The following URB1 variants were observed in gnomAD, a reference collection of about 807,000 sequenced individuals.
The protein encoded by URB1 is URB1 ribosome biogenesis factor.
Under a neutral mutation model 242.3 loss-of-function variants are expected in URB1, and 197 were observed. That is an observed-to-expected ratio of 0.81 (90% CI 0.72 to 0.91). The LOEUF is 0.91. URB1 is among the 40% of genes least tolerant of loss of function. The probability of loss-of-function intolerance (pLI) is 0.00; values close to 1 mark genes in which losing one functional copy is unlikely to be tolerated. For missense variants in URB1, 2,721 were observed against 2,860.5 expected (o/e 0.95, Z 1.11); for synonymous variants, 1,153 against 1,201.8 (o/e 0.96, Z 0.84).
intron 6 of URB1, 25 bp downstream of exon 6, chr21:32,375,373 G>A (rs1482567712): frequency 7.0e-7 from 1 of 1,422,046 alleles, no homozygotes. Context: ...ACAGACAACA[G>A]AAACGCGGAT....
At chr21:32,379,746 T>C (rs544596455) in intron 4 of URB1, among the ~76,000 whole-genome samples, 56 of 152,260 alleles carry the variant, frequency 3.7e-4, no homozygotes, top group African/African-American at 1.2e-3. Context: ...TCCCAGCACA[T>C]TGGGAGGCCA....
Position 32,325,269 on chromosome 21 carries a change from T to A in URB1, c.5081A>T (p.Tyr1694Phe). 2 of 1,551,592 alleles carry A rather than the reference T, an allele frequency of 1.3e-6. No homozygotes were observed. Among genetic ancestry groups the A allele is most frequent in the Non-Finnish European group, 1.7e-6 (2 of 1,146,958 alleles). Residue 1694 changes from tyrosine to phenylalanine, a missense_variant, in exon 31 of 39, where the codon TAC becomes TTC. By Grantham distance (22) the Tyr-to-Phe change is conservative. Coordinates refer to ENST00000382751, the MANE Select transcript of URB1 (RefSeq NM_014825.3). ...AIAYHVLAAY[Y>F]SHLEGARFQE... Reference sequence around the variant, plus strand: ...GAACCGTGCGCCCTCCAAGTGCGAGTAGTAGGCCGCCAGGACATGGTAGGC... The same window carrying A: ...GAACCGTGCGCCCTCCAAGTGCGAGAAGTAGGCCGCCAGGACATGGTAGGC...
chr21:32,318,902 G>A (rs1011333926), intron 36 of URB1, among the ~76,000 whole-genome samples: 1 of 152,134 alleles, frequency 6.6e-6, no homozygotes, highest in Admixed American at 6.5e-5. Flanking sequence ...TTGAATCACA[G>A]TATCAAGGCA....
Position 32,337,165 on chromosome 21 carries a change from T to C in URB1, c.4622-8A>G. 1.3e-6 allele frequency: 2 copies of C among 1,551,706 alleles called. No homozygotes were observed. Among genetic ancestry groups the C allele is most frequent in the South Asian group, 2.4e-5 (2 of 84,056 alleles). On this transcript the variant is annotated splice_region_variant and splice_polypyrimidine_tract_variant and intron_variant, in intron 27 of 38. Coordinates refer to ENST00000382751, the MANE Select transcript of URB1 (RefSeq NM_014825.3). ...GAAGTAAAATCTTCTGATCTACAAG[T>C]CAAAGCAGGATCGGTTTAGGAAGAT...
intron 28 of URB1, among the ~76,000 whole-genome samples, chr21:32,336,131 G>A (rs1601129554): frequency 6.6e-6 from 1 of 152,196 alleles, no homozygotes; most frequent in East Asian, 1.9e-4. Context: ...AAAGAGCGAG[G>A]CTGCCGCAGG....
intron 2 of URB1, 32 bp downstream of exon 2, chr21:32,385,513 C>G (rs774738791): frequency 3.3e-6 from 5 of 1,537,814 alleles, no homozygotes; most frequent in Non-Finnish European, 3.5e-6. Context: ...AACTTTTCTT[C>G]TCTTCATCAA....
intron 10 of URB1, among the ~76,000 whole-genome samples, chr21:32,365,108 A>G (rs1483440494): frequency 6.6e-6 from 1 of 152,230 alleles, no homozygotes; most frequent in African/African-American, 2.4e-5. Flanking sequence ...CTCCCAGACT[A>G]CTAGGAGCAA....
At chr21:32,371,734 A>G (rs954579288) in intron 8 of URB1, among the ~76,000 whole-genome samples, 2 of 152,362 alleles carry the variant, frequency 1.3e-5, no homozygotes, top group African/African-American at 4.8e-5. Context: ...ACACATTTAC[A>G]ATGACAAGAA....
At position 32,337,492 on chromosome 21, in the gene URB1, C is replaced by T. The variant is rs370600933; in HGVS notation, c.4533G>A (p.Leu1511=). 1 of 1,551,524 alleles carries T rather than the reference C, an allele frequency of 6.4e-7. No homozygotes were observed. Among genetic ancestry groups the T allele is most frequent in the Admixed American group, 2.0e-5 (1 of 50,974 alleles). ...QVKEALVDLM[L]TVVEMCPSVC... is the part of the protein sequence containing the mutation. ...CAGAGGGGCACATCTCCACCACCGTCAGCATCAGGTCCACCAGCGCTTCTG... is the reference window on the plus strand; with the variant it reads ...CAGAGGGGCACATCTCCACCACCGTTAGCATCAGGTCCACCAGCGCTTCTG... Residue 1511 remains leucine, a synonymous_variant, in exon 27 of 39, where the codon CTG becomes CTA. Transcript: ENST00000382751.
At chr21:32,374,691 G>A (rs1054634369) in intron 6 of URB1, among the ~76,000 whole-genome samples, 8 of 152,134 alleles carry the variant, frequency 5.3e-5, no homozygotes, top group Non-Finnish European at 8.8e-5. Context: ...ATTGTTATGG[G>A]GGCCATCCTG....
intron 35 of URB1, 64 bp from the exon 36 acceptor site, chr21:32,319,478 C>A: frequency 7.1e-7 from 1 of 1,406,136 alleles, no homozygotes; most frequent in South Asian, 1.6e-5. Flanking sequence ...ATCAGACTAT[C>A]GCCCTCCATA....
rs1277246591 is a variant in URB1 at position 32,337,458 on chromosome 21, T to A, written c.4567A>T (p.Ser1523Cys). 9 of 1,551,094 alleles carry A rather than the reference T, an allele frequency of 5.8e-6. 1 individual carries two copies. In the East Asian group the frequency reaches 2.2e-4, roughly 38 times the overall value. Residue 1523 changes from serine to cysteine, a missense_variant, in exon 27 of 39, where the codon AGC (serine) becomes TGC (cysteine). Coordinates refer to ENST00000382751, the MANE Select transcript of URB1 (RefSeq NM_014825.3). ...VVEMCPSVCE[S>C]SHFAVLLGAY... is the part of the protein sequence containing the mutation. Reference sequence around the variant, plus strand: ...CCGAGAAGCACTGCAAAGTGGCTGCTCTCACAGACAGAGGGGCACATCTCC... The same window carrying A: ...CCGAGAAGCACTGCAAAGTGGCTGCACTCACAGACAGAGGGGCACATCTCC...
In URB1 at chr21:32,349,486, G is replaced by C. The variant is rs968153810; in HGVS notation, c.2833-3C>G. ...GGCGGGCCCACACTTCTGCCCAGCT[G>C]TGAGGACAAGAGCACGAGCCTCAGC... On this transcript the variant is annotated splice_polypyrimidine_tract_variant and splice_region_variant and intron_variant, in intron 20 of 38. Coordinates refer to ENST00000382751, the MANE Select transcript of URB1 (RefSeq NM_014825.3). The C allele has an allele frequency of 6.5e-7, 1 of 1,543,788 alleles. No homozygotes were observed. Among genetic ancestry groups the C allele is most frequent in the Non-Finnish European group, 8.7e-7 (1 of 1,144,190 alleles).
intron 34 of URB1, 143 bp from the exon 35 acceptor site, chr21:32,320,783 G>C: frequency 3.1e-6 from 2 of 652,552 alleles, no homozygotes; most frequent in Non-Finnish European, 2.7e-6. Flanking sequence ...CCGTCAGAGC[G>C]GTGGCCATGT....
chr21:32,369,221 G>A (rs2033380714), intron 8 of URB1, among the ~76,000 whole-genome samples: 1 of 152,080 alleles, frequency 6.6e-6, no homozygotes, highest in Non-Finnish European at 1.5e-5. Flanking sequence ...AAATTAGCCA[G>A]GCATGGTGGT....
intron 11 of URB1, 127 bp downstream of exon 11, chr21:32,363,029 G>A (rs1465208917): frequency 2.4e-6 from 3 of 1,235,004 alleles, no homozygotes; most frequent in East Asian, 5.1e-5. Context: ...CTACCACACT[G>A]CCCACCGGCC....
intron 1 of URB1, among the ~76,000 whole-genome samples, chr21:32,388,521 C>T (rs1381431211): frequency 6.6e-6 from 1 of 152,210 alleles, no homozygotes; most frequent in African/African-American, 2.4e-5. Flanking sequence ...TCTGCTATGC[C>T]AGGCGCTGCT....
chr21:32,321,416 TG>T (rs1364754413), intron 34 of URB1, among the ~76,000 whole-genome samples: 3 of 152,186 alleles, frequency 2.0e-5, no homozygotes, highest in Non-Finnish European at 4.4e-5. Flanking sequence ...GATTCAAAAG[TG>T]CCTCAGAGTA....
intron 19 of URB1, among the ~76,000 whole-genome samples, chr21:32,351,681 C>A (rs546588774): frequency 6.6e-6 from 1 of 152,164 alleles, no homozygotes; most frequent in Non-Finnish European, 1.5e-5. Context: ...TTCCGACACA[C>A]CCTGGAGGGT....
Sources: allele counts gnomAD v4.1 joint callset (sites outside exome capture counted in the v4.1 genomes callset), GRCh38; gene constraint gnomAD v4.1.1; transcripts MANE v1.5; gene names NCBI Gene and HGNC (gene_info 2026-07-23, HGNC 2026-07-21).